The following ATRN variants were observed in gnomAD, a reference collection of about 807,000 sequenced individuals.
ATRN encodes the protein attractin.
Under a neutral mutation model 178.7 loss-of-function variants are expected in ATRN, and 54 were observed. The ratio of observed to expected loss-of-function variants is 0.30; its 90% confidence interval spans 0.24 to 0.38. ATRN has a LOEUF of 0.38. ATRN is among the 10% of genes least tolerant of loss of function. The probability of loss-of-function intolerance (pLI) is 1.00; values close to 1 mark genes in which losing one functional copy is unlikely to be tolerated. For missense variants in ATRN, 1,443 were observed against 1,815.1 expected, an observed-to-expected ratio of 0.79 and a Z score of 3.73; for synonymous variants, 636 against 663.0, an observed-to-expected ratio of 0.96 and a Z score of 0.63.
intron 12 of ATRN, among the ~76,000 whole-genome samples, chr20:3,575,067 A>C (rs1395676525): frequency 6.6e-6 from 1 of 151,724 alleles, no homozygotes; most frequent in Non-Finnish European, 1.5e-5. Context: ...TGATTCAAGC[A>C]GTTCTCCTGC....
rs1021179752 is a variant in ATRN, at chr20:3,545,800, T to G, written c.647T>G (p.Val216Gly). The part of the protein sequence containing the change: ...IVPERDGNET[V>G]PEVVATSGYA... Reference sequence around the variant, plus strand: ...CCTGAGAGAGATGGCAATGAGACTGTCCCTGAGGTTGTTGCCACATCAGGT... The same window carrying G: ...CCTGAGAGAGATGGCAATGAGACTGGCCCTGAGGTTGTTGCCACATCAGGT... The change falls in exon 4 of 29, where the codon GTC becomes GGC. Residue 216 changes from valine (V) to glycine (G), a missense_variant. This residue lies in a region of ATRN where 862 missense variants were observed against 972.1 expected (regional missense o/e 0.89). Transcript: ENST00000262919. 15 of 1,614,134 alleles carry G rather than the reference T, an allele frequency of 9.3e-6. No individual in the cohort carries two copies. The highest frequency in any genetic ancestry group is 1.3e-5 in the Non-Finnish European group (15 of 1,179,962).
intron 18 of ATRN, among the ~76,000 whole-genome samples, chr20:3,590,173 A>G (rs1342396427): frequency 6.6e-6 from 1 of 151,752 alleles, no homozygotes; most frequent in Non-Finnish European, 1.5e-5. Flanking sequence ...CTGATCTCGA[A>G]CTCCTGACCT....
intron 27 of ATRN, among the ~76,000 whole-genome samples, chr20:3,642,952 T>G (rs1309047380): frequency 2.0e-5 from 3 of 152,098 alleles, no homozygotes; most frequent in East Asian, 3.9e-4. Flanking sequence ...AGAGATGGAG[T>G]GGCCACAGAA....
intron 1 of ATRN, among the ~76,000 whole-genome samples, chr20:3,518,089 C>A (rs986271715): frequency 1.3e-5 from 2 of 152,240 alleles, no homozygotes; most frequent in African/African-American, 4.8e-5. Context: ...TACATACAAG[C>A]AACTTTATAA....
chr20:3,591,316 AT>A lies in ATRN; in HGVS notation c.3322+12del. Reference sequence around the variant, plus strand: ...GGAGGGAAATGTCAGCGTAAGTCAAATTGGTCAGGTTTACTCATGGCAAATC... The same window carrying A: ...GGAGGGAAATGTCAGCGTAAGTCAAATGGTCAGGTTTACTCATGGCAAATC... On this transcript the variant is annotated intron_variant, in intron 19 of 28. Coordinates refer to ENST00000262919, the MANE Select transcript of ATRN (RefSeq NM_139321.3). 6.2e-7 allele frequency: 1 copy of A among 1,612,794 alleles called. No homozygotes were observed.
chr20:3,578,538 T>C, intron 14 of ATRN, 44 bp from the exon 15 acceptor site: 2 of 1,528,318 alleles, frequency 1.3e-6, no homozygotes, highest in Non-Finnish European at 1.8e-6. Flanking sequence ...TAGTTTTGTC[T>C]GATTTCTAAA....
chr20:3,630,348 G>A (rs1052146139), intron 25 of ATRN, among the ~76,000 whole-genome samples: 2 of 152,136 alleles, frequency 1.3e-5, no homozygotes, highest in South Asian at 4.1e-4. Context: ...ACTGTCTCTC[G>A]TTCACTCCTA....
chr20:3,635,608 G>A (rs764128811), intron 26 of ATRN, among the ~76,000 whole-genome samples: 26 of 152,042 alleles, frequency 1.7e-4, no homozygotes, highest in Non-Finnish European at 3.4e-4. Flanking sequence ...ATATAAAAAT[G>A]TATTTATAGA....
intron 11 of ATRN, among the ~76,000 whole-genome samples, chr20:3,568,793 T>C (rs761089975): frequency 6.6e-6 from 1 of 152,214 alleles, no homozygotes; most frequent in Non-Finnish European, 1.5e-5. Context: ...ACAAAGCTTA[T>C]GTAACACACG....
intron 1 of ATRN, among the ~76,000 whole-genome samples, chr20:3,532,666 A>G (rs2085469818): frequency 6.6e-6 from 1 of 152,152 alleles, no homozygotes; most frequent in South Asian, 2.1e-4. Flanking sequence ...AGGCAAAGGA[A>G]GAAGTTGAGC....
At chr20:3,477,940 T>C (rs957770510) in intron 1 of ATRN, among the ~76,000 whole-genome samples, 3 of 152,242 alleles carry the variant, frequency 2.0e-5, no homozygotes, top group Non-Finnish European at 4.4e-5. Flanking sequence ...ACCAAACTTC[T>C]ATCCTCATTG....
intron 1 of ATRN, among the ~76,000 whole-genome samples, chr20:3,519,130 G>A (rs1003606242): frequency 6.6e-6 from 1 of 152,006 alleles, no homozygotes; most frequent in Non-Finnish European, 1.5e-5. Flanking sequence ...GCAGATCCTG[G>A]AAGATGGGAC....
intron 1 of ATRN, among the ~76,000 whole-genome samples, chr20:3,474,804 C>T (rs757806272): frequency 1.3e-5 from 2 of 152,050 alleles, no homozygotes; most frequent in Admixed American, 1.3e-4. Context: ...GAGGCTGAGG[C>T]GGGCAGATCA....
chr20:3,605,073 A>G (rs1302845843), intron 24 of ATRN, among the ~76,000 whole-genome samples: 1 of 152,214 alleles, frequency 6.6e-6, no homozygotes, highest in African/African-American at 2.4e-5. Flanking sequence ...AAGCATGGTC[A>G]CTGGACGGAG....
At chr20:3,624,626 ATT>A in intron 25 of ATRN, 54 bp downstream of exon 25, 3 of 1,342,930 alleles carry the variant, frequency 2.2e-6, no homozygotes, top group Non-Finnish European at 3.2e-6. Flanking sequence ...CACTAGATCC[ATT>A]AATAGAGTAT....
chr20:3,559,012 C>G (rs536448926), intron 6 of ATRN, among the ~76,000 whole-genome samples: 1 of 152,164 alleles, frequency 6.6e-6, no homozygotes, highest in South Asian at 2.1e-4. Flanking sequence ...TAATTATCAT[C>G]CCTTTTTTGG....
At chr20:3,583,832 GA>G in intron 16 of ATRN, 65 bp from the exon 17 acceptor site, 1 of 1,424,932 alleles carries the variant, frequency 7.0e-7, no homozygotes, top group Non-Finnish European at 9.6e-7. Flanking sequence ...AAGAAAGAAA[GA>G]AAAGTCTTTG....
intron 1 of ATRN, among the ~76,000 whole-genome samples, chr20:3,475,031 CAA>C (rs1189030441): frequency 4.5e-4 from 25 of 55,810 alleles, no homozygotes; most frequent in Admixed American, 9.5e-4. Context: ...GACTCCATCT[CAA>C]AAAAAAAAAA....
At chr20:3,473,592 C>T (rs925530214) in intron 1 of ATRN, among the ~76,000 whole-genome samples, 4 of 152,112 alleles carry the variant, frequency 2.6e-5, no homozygotes, top group African/African-American at 7.2e-5. Flanking sequence ...TAGATTGGAG[C>T]CAGAATACAA....
Sources: gnomAD v4.1 joint callset for allele counts (sites outside exome capture counted in the v4.1 genomes callset) on GRCh38, gnomAD v4.1.1 for gene constraint, gnomAD v4.1.1 regional missense constraint, MANE v1.5 for transcripts, NCBI Gene and HGNC (gene_info 2026-07-23, HGNC 2026-07-21) for gene names.